The following CNIH2 variants were observed in gnomAD, a reference collection of about 807,000 sequenced individuals.
The protein encoded by CNIH2 is cornichon family AMPA receptor auxiliary protein 2.
A neutral mutation model predicts 22.9 loss-of-function variants in CNIH2; 8 were observed. The observed-to-expected ratio is 0.35, with a 90% CI of 0.20 to 0.63. The LOEUF is 0.63. Ranked by LOEUF, CNIH2 falls within the 30% of genes least tolerant of loss-of-function variation. CNIH2 has a pLI of 0.72. For missense variants in CNIH2, 105 were observed against 206.2 expected (o/e 0.51, Z 3.01); for synonymous variants, 74 against 78.2 (o/e 0.95, Z 0.28).
chr11:66,279,653 G>A (rs1025117124), intron 1 of CNIH2, among the ~76,000 whole-genome samples: 7 of 151,906 alleles, frequency 4.6e-5, no homozygotes, highest in East Asian at 1.9e-4. Context: ...CTTCTTTCCC[G>A]GGCTCTCCAC....
intron 1 of CNIH2, among the ~76,000 whole-genome samples, chr11:66,281,922 C>T (rs1007580431): frequency 6.6e-6 from 1 of 152,132 alleles, no homozygotes; most frequent in Admixed American, 6.5e-5. Context: ...GGCCTGGGTT[C>T]CTCCTGGGCA....
chr11:66,281,455 A>G (rs1459326763), intron 1 of CNIH2: 2 of 456,272 alleles, frequency 4.4e-6, no homozygotes, highest in Non-Finnish European at 8.8e-6. Flanking sequence ...ACTGTCAGTG[A>G]GCTCGGATTT....
intron 2 of CNIH2, 75 bp from the exon 3 acceptor site, chr11:66,282,658 C>T: frequency 6.4e-7 from 1 of 1,550,456 alleles, no homozygotes; most frequent in South Asian, 1.1e-5. Flanking sequence ...CTGGCGGCCA[C>T]ATGTGGAGCG....
intron 1 of CNIH2, among the ~76,000 whole-genome samples, chr11:66,279,586 C>G (rs577715610): frequency 1.3e-5 from 2 of 152,170 alleles, no homozygotes; most frequent in South Asian, 4.2e-4. Flanking sequence ...TCCTCTTATC[C>G]CTCCCTCAAT....
At chr11:66,282,124 C>T in intron 1 of CNIH2, 135 bp from the exon 2 acceptor site, 1 of 771,924 alleles carries the variant, frequency 1.3e-6, no homozygotes, top group Admixed American at 2.0e-5. Flanking sequence ...CTGCTCCTCC[C>T]TGGACCTCGG....
At chr11:66,281,557 C>T (rs1857258873) in intron 1 of CNIH2, 2 of 439,960 alleles carry the variant, frequency 4.5e-6, no homozygotes, top group East Asian at 7.1e-5. Flanking sequence ...TGCCTCCCCC[C>T]AAAATTTTTG....
chr11:66,282,514 C>A, intron 2 of CNIH2, 187 bp downstream of exon 2: 2 of 869,668 alleles, frequency 2.3e-6, no homozygotes, highest in Admixed American at 2.2e-5. Context: ...CTTGGCGGGG[C>A]GGTGGTTGCC....
At chr11:66,282,423 T>TTCA in intron 2 of CNIH2, 96 bp downstream of exon 2, 1 of 147,072 alleles carries the variant, frequency 6.8e-6, no homozygotes, top group Non-Finnish European at 1.3e-5. Context: ...GGGGGTGGGG[T>TTCA]GGGGGGCCTA....
At chr11:66,282,429 G>GGGGGGGGGGGGGGGGGGGGGGGGGCC in intron 2 of CNIH2, 102 bp downstream of exon 2, 1 of 479,456 alleles carries the variant, frequency 2.1e-6, no homozygotes. Flanking sequence ...GGGGTGGGGG[G>GGGGGGGGGGGGGGGGGGGGGGGGGCC]CCTACGGCCA....
chr11:66,282,429 G>GGGTGGGGGGGGGGGGGGGGGGGGCC, intron 2 of CNIH2, 102 bp downstream of exon 2: 1 of 479,466 alleles, frequency 2.1e-6, no homozygotes, highest in Non-Finnish European at 4.2e-6. Flanking sequence ...GGGGTGGGGG[G>GGGTGGGGGGGGGGGGGGGGGGGGCC]CCTACGGCCA....
chr11:66,278,389 C>CG lies in CNIH2; in HGVS notation c.-62dup, dbSNP rs1857195118. 4 of 598,484 alleles carry CG rather than the reference C, an allele frequency of 6.7e-6. No individual in the cohort carries two copies. The highest frequency in any genetic ancestry group is 7.0e-5 in the South Asian group (1 of 14,254). The allele number at this position is 598,484 out of a possible 1,614,324, so 37.1% of individuals were successfully genotyped here. On this transcript the variant is annotated 5_prime_UTR_variant, in exon 1 of 6. Transcript: ENST00000311445. The stretch of plus-strand genomic sequence containing the variant: ...TGCCCGGCCGGCCCTAAGCGCGGGC[C>CG]GGGGGGCGTCCCCTTGCGCCCGGGC...
chr11:66,282,793 G>A lies in CNIH2; in HGVS notation c.198+13G>A, dbSNP rs759243922. ...CCTCCTGAGGAAGGTCAGTGTCAGG[G>A]CTGGGGGCAGGAGGCTCCTAGCCCA... On this transcript the variant is annotated intron_variant, in intron 3 of 5. Coordinates refer to ENST00000311445, the MANE Select transcript of CNIH2 (RefSeq NM_182553.3). 1 of 1,606,726 alleles carries A rather than the reference G, an allele frequency of 6.2e-7. No homozygotes were observed. Among genetic ancestry groups the A allele is most frequent in the South Asian group, 1.1e-5 (1 of 89,934 alleles).
intron 1 of CNIH2, among the ~76,000 whole-genome samples, chr11:66,279,022 C>A (rs186850622): frequency 1.3e-5 from 2 of 148,400 alleles, no homozygotes; most frequent in Admixed American, 6.8e-5. Context: ...GTCCATTAAC[C>A]CTTTGCCTTC....
At chr11:66,278,610 G>A (rs1046232657) in intron 1 of CNIH2, 73 bp downstream of exon 1, 15 of 1,190,574 alleles carry the variant, frequency 1.3e-5, no homozygotes, top group Non-Finnish European at 8.8e-6. Context: ...AGGGACCCAG[G>A]GCGGGTGGTC....
At chr11:66,282,939 G>A in intron 3 of CNIH2, 96 bp from the exon 4 acceptor site, 1 of 1,358,108 alleles carries the variant, frequency 7.4e-7, no homozygotes, top group Non-Finnish European at 1.1e-6. Flanking sequence ...AGGTCACGGT[G>A]GGTGGGCACC....
intron 1 of CNIH2, 75 bp downstream of exon 1, chr11:66,278,612 CGGGT>C: frequency 8.8e-7 from 1 of 1,139,888 alleles, no homozygotes; most frequent in South Asian, 1.6e-5. Flanking sequence ...GGACCCAGGG[CGGGT>C]GGTCTCAGAG....
Position 66,283,677 on chromosome 11 carries a change from C to T in CNIH2, c.*80C>T. 1 of 1,499,502 alleles carries T rather than the reference C, an allele frequency of 6.7e-7. No homozygotes were observed. Among genetic ancestry groups the T allele is most frequent in the Non-Finnish European group, 9.0e-7 (1 of 1,105,548 alleles). The allele number at this position is 1,499,502 out of a possible 1,614,324, so 92.9% of individuals were successfully genotyped here. A position where few individuals can be genotyped will look rare whatever the true frequency, so the allele number is the denominator to read the frequency against. On this transcript the variant is annotated 3_prime_UTR_variant, in exon 6 of 6. Transcript: ENST00000311445. ...CAGCCCTGCCCCTTGGCCGCAGAGGCCTCAGCCCTGGGGAGGGAGGGGGCA... is the reference window on the plus strand; with the variant it reads ...CAGCCCTGCCCCTTGGCCGCAGAGGTCTCAGCCCTGGGGAGGGAGGGGGCA...
At chr11:66,282,428 G>GCA in intron 2 of CNIH2, 101 bp downstream of exon 2, 1 of 713,850 alleles carries the variant, frequency 1.4e-6, no homozygotes, top group Non-Finnish European at 2.4e-6. Flanking sequence ...TGGGGTGGGG[G>GCA]GCCTACGGCC....
rs772311162 is a variant in CNIH2 at position 66,283,167 on chromosome 11, T to C, written c.311+20T>C. 7 of 1,613,214 alleles carry C rather than the reference T, an allele frequency of 4.3e-6. No homozygotes were observed. In the Admixed American group the frequency reaches 5.0e-5, roughly 12 times the overall value. ...CTGGAGGTGAGGGTAGCAGCTGCCT[T>C]GGGGAGGCTGAGATGGGGAACAGGG... On this transcript the variant is annotated intron_variant, in intron 4 of 5. Transcript: ENST00000311445.
Sources: gnomAD v4.1 joint callset for allele counts (sites outside exome capture counted in the v4.1 genomes callset) on GRCh38, gnomAD v4.1.1 for gene constraint, MANE v1.5 for transcripts, NCBI Gene and HGNC (gene_info 2026-07-23, HGNC 2026-07-21) for gene names.